Variants in CACNA1A observed in about 807,000 individuals in gnomAD.
CACNA1A encodes voltage-dependent P/Q-type calcium channel subunit alpha-1A.
A neutral mutation model predicts 262.4 loss-of-function variants in CACNA1A; 57 were observed. The ratio of observed to expected loss-of-function variants is 0.22; its 90% CI spans 0.18 to 0.27. The LOEUF is 0.27. Ranked by LOEUF, CACNA1A falls within the 10% of genes least tolerant of loss-of-function variation. The pLI, the probability that CACNA1A is intolerant of heterozygous loss-of-function variation, is 1.00. For missense variants in CACNA1A, 2,526 were observed against 3,562.8 expected (o/e 0.71, Z 7.41); for synonymous variants, 1,431 against 1,419.3 (o/e 1.01, Z -0.18).
At chr19:13,350,796 T>C (rs145121375) in intron 6 of CACNA1A, among the ~76,000 whole-genome samples, 1 of 152,222 alleles carries the variant, frequency 6.6e-6, no homozygotes, top group African/African-American at 2.4e-5. Flanking sequence ...TAGAGGCCAG[T>C]AGCTCGAGGA....
chr19:13,381,577 C>T (rs936149431), intron 3 of CACNA1A, among the ~76,000 whole-genome samples: 2 of 152,116 alleles, frequency 1.3e-5, no homozygotes, highest in African/African-American at 4.8e-5. Context: ...GCAAGGGAAG[C>T]AAGAGAGTGA....
chr19:13,339,812 G>C (rs1209190758), intron 6 of CACNA1A, among the ~76,000 whole-genome samples: 3 of 150,740 alleles, frequency 2.0e-5, no homozygotes, highest in African/African-American at 4.9e-5. Context: ...AACTAACAAA[G>C]TCAGCTTTAA....
intron 19 of CACNA1A, among the ~76,000 whole-genome samples, chr19:13,291,112 C>A (rs926117663): frequency 6.6e-6 from 1 of 152,116 alleles, no homozygotes; most frequent in African/African-American, 2.4e-5. Flanking sequence ...ACCCCTACCC[C>A]CTTCTCCCTG....
At chr19:13,464,259 C>A (rs11085853) in intron 1 of CACNA1A, among the ~76,000 whole-genome samples, 34,267 of 151,990 alleles carry the variant, frequency 0.23, 3,978 homozygotes, top group Middle Eastern at 0.3. Context: ...ACTAGCCAGG[C>A]ATGTTGGCAC....
At position 13,265,041 on chromosome 19, in the gene CACNA1A, A is replaced by G. The variant is rs576973952; in HGVS notation, c.3990-2208T>C. 8.6e-5 allele frequency among the ~76,000 whole-genome samples: 13 copies of G among 151,922 alleles called. No homozygotes were observed. In the South Asian group the frequency reaches 1.2e-3, roughly 15 times the overall value. ...AGGCATGAGTCACCACACCTGGCTA[A>G]TTTTTGTATTTTCAGTAGAGACAGG... On this transcript the variant is annotated intron_variant, in intron 24 of 46. Transcript: ENST00000360228.
At chr19:13,407,895 C>G (rs2060040468) in intron 3 of CACNA1A, among the ~76,000 whole-genome samples, 1 of 152,040 alleles carries the variant, frequency 6.6e-6, no homozygotes, top group African/African-American at 2.4e-5. Context: ...GTGATTGGAT[C>G]CTGGGAGCAG....
At chr19:13,413,895 A>AGAAAG (rs1555783333) in intron 3 of CACNA1A, among the ~76,000 whole-genome samples, 1 of 119,138 alleles carries the variant, frequency 8.4e-6, no homozygotes, top group African/African-American at 4.1e-5. Flanking sequence ...GAAAGAAAGA[A>AGAAAG]AAAGAAAGAA....
At chr19:13,414,425 G>A (rs182878334) in intron 3 of CACNA1A, among the ~76,000 whole-genome samples, 2 of 152,134 alleles carry the variant, frequency 1.3e-5, no homozygotes, top group African/African-American at 2.4e-5. Context: ...AGATAGCAGC[G>A]AAGGACAATG....
At position 13,334,549 on chromosome 19, in the gene CACNA1A, T is replaced by TGTGTGTGTG. The variant is rs2058523953; in HGVS notation, c.1083-57_1083-56insCACACACAC. 5.5e-6 allele frequency: 4 copies of TGTGTGTGTG among 724,700 alleles called. No homozygotes were observed. In the African/African-American group the frequency reaches 7.9e-5, roughly 14 times the overall value. 44.9% of individuals were successfully genotyped at this position (724,700 alleles called of 1,614,324 possible). A position where few individuals can be genotyped will look rare whatever the true frequency, so the allele number is the denominator to read the frequency against. On this transcript the variant is annotated intron_variant, in intron 7 of 46. Coordinates refer to ENST00000360228, the MANE Select transcript of CACNA1A (RefSeq NM_001127222.2). ...CTGTTTTGAAAATGTTAGGAAACGT[T>TGTGTGTGTG]TGTGTGTGTGTTTGTGTGTGTGTGT... is the stretch of plus-strand genomic sequence containing the variant.
rs1223405646 is a variant in CACNA1A, at chr19:13,206,458, T to TTAA, written c.*854_*855insTTA. On this transcript the variant is annotated 3_prime_UTR_variant, in exon 47 of 47. Coordinates refer to ENST00000360228, the MANE Select transcript of CACNA1A (RefSeq NM_001127222.2). The stretch of plus-strand genomic sequence containing the variant: ...CAAAAGCCCTTTGATTCAACTTTTT[T>TTAA]TTATTTTTTTTTTCTTTTTGAATGT... 1 of 152,236 alleles carries TTAA rather than the reference T, an allele frequency of 6.6e-6. No individual in the cohort carries two copies. The highest frequency in any genetic ancestry group is 1.5e-5 in the Non-Finnish European group (1 of 68,190). 9.4% of individuals were successfully genotyped at this position (152,236 alleles called of 1,614,324 possible).
chr19:13,479,060 G>T (rs531862518), intron 1 of CACNA1A, among the ~76,000 whole-genome samples: 5 of 152,302 alleles, frequency 3.3e-5, no homozygotes, highest in African/African-American at 1.2e-4. Flanking sequence ...TGTAATCCCA[G>T]CTACTCAGGA....
chr19:13,282,419 T>C (rs1233895184), intron 22 of CACNA1A, among the ~76,000 whole-genome samples: 2 of 152,142 alleles, frequency 1.3e-5, no homozygotes. Context: ...AGCCCATGAC[T>C]GAGGCACGCC....
chr19:13,330,554 C>T (rs147103858), intron 9 of CACNA1A, among the ~76,000 whole-genome samples: 57 of 152,204 alleles, frequency 3.7e-4, no homozygotes, highest in Middle Eastern at 3.4e-3. Flanking sequence ...AGTCCGACTC[C>T]AGGTCTGGGC....
intron 15 of CACNA1A, among the ~76,000 whole-genome samples, chr19:13,304,201 T>C (rs946066258): frequency 6.6e-6 from 1 of 152,086 alleles, no homozygotes; most frequent in Non-Finnish European, 1.5e-5. Context: ...ATGGACTAAA[T>C]TGTGCCCGCC....
intron 1 of CACNA1A, among the ~76,000 whole-genome samples, chr19:13,488,129 A>T (rs1980258431): frequency 6.6e-6 from 1 of 152,078 alleles, no homozygotes; most frequent in African/African-American, 2.4e-5. Context: ...CAGCCCTGGG[A>T]GGGAGGTGCC....
intron 30 of CACNA1A, among the ~76,000 whole-genome samples, chr19:13,247,560 C>T (rs938191883): frequency 2.6e-5 from 4 of 151,860 alleles, no homozygotes; most frequent in Non-Finnish European, 5.9e-5. Context: ...ATCAGGCAGG[C>T]GTGGTGGTGC....
intron 21 of CACNA1A, 64 bp downstream of exon 21, chr19:13,285,004 C>G: frequency 6.3e-7 from 1 of 1,585,348 alleles, no homozygotes; most frequent in Non-Finnish European, 8.7e-7. Flanking sequence ...TCTATCTGGC[C>G]TGACTTCCGC....
chr19:13,328,158 G>A (rs1265251812), intron 10 of CACNA1A, among the ~76,000 whole-genome samples: 18 of 152,136 alleles, frequency 1.2e-4, no homozygotes, highest in Admixed American at 9.2e-4. Context: ...TCCTGCACTG[G>A]CCTCCCAAAG....
At chr19:13,320,770 A>G (rs10401541) in intron 10 of CACNA1A, among the ~76,000 whole-genome samples, 31,162 of 152,016 alleles carry the variant, frequency 0.2, 3,240 homozygotes, top group Middle Eastern at 0.28. Context: ...GTCTGGAATT[A>G]TAATTGCAGA....
Sources: gnomAD v4.1 joint callset for allele counts (sites outside exome capture counted in the v4.1 genomes callset) on GRCh38, gnomAD v4.1.1 for gene constraint, MANE v1.5 for transcripts, NCBI Gene and HGNC (gene_info 2026-07-23, HGNC 2026-07-21) for gene names.